Variants in TRIM44 observed in about 807,000 individuals in gnomAD.
TRIM44 encodes tripartite motif containing 44.
In TRIM44, 13 loss-of-function variants were observed where a neutral mutation model predicts 37.4. That is an observed-to-expected ratio of 0.35 (90% CI 0.23 to 0.55). The LOEUF (loss-of-function observed/expected upper bound fraction) is 0.55, where lower values mean the gene tolerates loss of function less well. Ranked by LOEUF, TRIM44 falls within the 20% of genes least tolerant of loss-of-function variation. The pLI is 0.89. For missense variants in TRIM44, 426 were observed against 437.2 expected (o/e 0.97, Z 0.23); for synonymous variants, 175 against 157.2 (o/e 1.11, Z -0.85).
intron 1 of TRIM44, among the ~76,000 whole-genome samples, chr11:35,668,534 A>G (rs549664696): frequency 6.6e-6 from 1 of 152,370 alleles, no homozygotes; most frequent in Non-Finnish European, 1.5e-5. Flanking sequence ...GTCCCTGCAA[A>G]GGACATGATC....
intron 2 of TRIM44, among the ~76,000 whole-genome samples, chr11:35,692,040 T>G (rs919983531): frequency 6.6e-6 from 1 of 152,154 alleles, no homozygotes; most frequent in Admixed American, 6.6e-5. Context: ...CATCATAAAG[T>G]AGAAAAACCG....
In TRIM44 at chr11:35,814,073, T is replaced by A. The variant is rs1404070594; in HGVS notation, c.*7688T>A. On this transcript the variant is annotated 3_prime_UTR_variant, in exon 5 of 5. Coordinates refer to ENST00000299413, the MANE Select transcript of TRIM44 (RefSeq NM_017583.6). ...CATAAAAGTCACTTAAGCATCCCTG[T>A]TAGTTCTAAGCCCCTGTCGATTGCC... The A allele has an allele frequency of 6.6e-6, 1 of 152,224 alleles. No homozygotes were observed. The highest frequency in any genetic ancestry group is 1.9e-4 in the East Asian group (1 of 5,198). 9.4% of individuals were successfully genotyped at this position (152,224 alleles called of 1,614,324 possible).
At chr11:35,680,763 A>G (rs1251683763) in intron 1 of TRIM44, among the ~76,000 whole-genome samples, 2 of 152,164 alleles carry the variant, frequency 1.3e-5, no homozygotes, top group East Asian at 1.9e-4. Context: ...GAAGTCCCCA[A>G]TTTCCCCAGG....
intron 4 of TRIM44, among the ~76,000 whole-genome samples, chr11:35,740,931 C>T: frequency 6.6e-6 from 1 of 152,132 alleles, no homozygotes; most frequent in Admixed American, 6.5e-5. Flanking sequence ...ATTCTAGGTA[C>T]TTTTTTTCCC....
intron 1 of TRIM44, among the ~76,000 whole-genome samples, chr11:35,673,425 G>C (rs1405101826): frequency 6.6e-6 from 1 of 152,228 alleles, no homozygotes; most frequent in Non-Finnish European, 1.5e-5. Context: ...AGTTGGCTCT[G>C]TAAATGAGAG....
intron 3 of TRIM44, among the ~76,000 whole-genome samples, chr11:35,734,008 C>G (rs1852298824): frequency 6.6e-6 from 1 of 152,280 alleles, no homozygotes; most frequent in South Asian, 2.1e-4. Context: ...CCCACCTTCT[C>G]CAGGAGAGGC....
chr11:35,696,661 A>G (rs942980932), intron 2 of TRIM44, among the ~76,000 whole-genome samples: 5 of 151,574 alleles, frequency 3.3e-5, no homozygotes, highest in Non-Finnish European at 7.4e-5. Flanking sequence ...ATCCTGGCCA[A>G]CGTGGTGAAA....
chr11:35,802,305 T>G (rs536125897), intron 4 of TRIM44, among the ~76,000 whole-genome samples: 2 of 152,312 alleles, frequency 1.3e-5, no homozygotes, highest in East Asian at 1.9e-4. Context: ...AAAAAGAGAT[T>G]GTCTCCTTTA....
intron 4 of TRIM44, among the ~76,000 whole-genome samples, chr11:35,801,246 A>C (rs1853364812): frequency 6.6e-6 from 1 of 152,380 alleles, no homozygotes. Context: ...ATGCCCAGGC[A>C]GTGTAATTTT....
chr11:35,665,601 T>G (rs201181525), intron 1 of TRIM44, among the ~76,000 whole-genome samples: 1,957 of 138,726 alleles, frequency 0.014, 33 homozygotes, highest in African/African-American at 0.034. Flanking sequence ...TTTTTTTTTT[T>G]TTTTTTTTTT....
At chr11:35,799,124 C>T (rs570055723) in intron 4 of TRIM44, among the ~76,000 whole-genome samples, 76 of 152,366 alleles carry the variant, frequency 5.0e-4, no homozygotes, top group Middle Eastern at 6.8e-3. Flanking sequence ...TACAAGCCTG[C>T]CTGTTACTTC....
At chr11:35,786,780 G>A (rs568418819) in intron 4 of TRIM44, among the ~76,000 whole-genome samples, 3 of 152,276 alleles carry the variant, frequency 2.0e-5, no homozygotes, top group South Asian at 2.1e-4. Flanking sequence ...CTCGGTGTTA[G>A]CGAAAGGTTT....
At chr11:35,747,836 A>G (rs1156657111) in intron 4 of TRIM44, among the ~76,000 whole-genome samples, 1 of 151,268 alleles carries the variant, frequency 6.6e-6, no homozygotes, top group African/African-American at 2.4e-5. Context: ...ACAGCAGGAG[A>G]GGCAAGCAGT....
At chr11:35,689,509 T>C (rs1590508025) in intron 2 of TRIM44, among the ~76,000 whole-genome samples, 1 of 152,202 alleles carries the variant, frequency 6.6e-6, no homozygotes, top group Non-Finnish European at 1.5e-5. Flanking sequence ...TTGGTTTAGT[T>C]TGCAAACTTT....
At chr11:35,670,628 A>G (rs1346837826) in intron 1 of TRIM44, among the ~76,000 whole-genome samples, 2 of 152,220 alleles carry the variant, frequency 1.3e-5, no homozygotes, top group Non-Finnish European at 2.9e-5. Flanking sequence ...ATTGAGTGTC[A>G]TTCAATTCTT....
intron 2 of TRIM44, among the ~76,000 whole-genome samples, chr11:35,718,951 G>A (rs938889632): frequency 2.7e-5 from 4 of 150,510 alleles, no homozygotes; most frequent in African/African-American, 9.8e-5. Flanking sequence ...TCTGTTGTCT[G>A]GATGTACCAC....
chr11:35,673,228 A>G (rs1038420834), intron 1 of TRIM44, among the ~76,000 whole-genome samples: 1 of 152,158 alleles, frequency 6.6e-6, no homozygotes, highest in Non-Finnish European at 1.5e-5. Flanking sequence ...TTTTGATAAG[A>G]TGTGTTATAG....
intron 3 of TRIM44, among the ~76,000 whole-genome samples, chr11:35,733,496 G>A (rs1852289982): frequency 6.6e-6 from 1 of 152,028 alleles, no homozygotes; most frequent in Admixed American, 6.6e-5. Flanking sequence ...GATCCCATGA[G>A]ACATATCAGA....
intron 4 of TRIM44, among the ~76,000 whole-genome samples, chr11:35,759,277 A>G (rs1474750143): frequency 6.6e-6 from 1 of 151,946 alleles, no homozygotes; most frequent in Non-Finnish European, 1.5e-5. Context: ...TACCCTTTCT[A>G]CCAGTTGATC....
Sources: gnomAD v4.1 joint callset for allele counts (sites outside exome capture counted in the v4.1 genomes callset) on GRCh38, gnomAD v4.1.1 for gene constraint, MANE v1.5 for transcripts, NCBI Gene and HGNC (gene_info 2026-07-23, HGNC 2026-07-21) for gene names.